The following ARHGAP28 variants were observed in gnomAD, a reference collection of about 807,000 sequenced individuals.
ARHGAP28 encodes the protein rho GTPase-activating protein 28.
A neutral mutation model predicts 90.7 loss-of-function variants in ARHGAP28; 56 were observed. The observed-to-expected ratio is 0.62, with a 90% CI of 0.50 to 0.77. The LOEUF is 0.77. Among genes scored for constraint, ARHGAP28 ranks in the 30% least tolerant of loss-of-function variants. The pLI is 0.00. For missense variants in ARHGAP28, 869 were observed against 900.9 expected (o/e 0.96, Z 0.45); for synonymous variants, 308 against 323.3 (o/e 0.95, Z 0.51).
chr18:6,876,026 T>C, intron 9 of ARHGAP28, 105 bp from the exon 10 acceptor site: 1 of 924,392 alleles, frequency 1.1e-6, no homozygotes, highest in Non-Finnish European at 1.7e-6. Flanking sequence ...CAGGCAAATA[T>C]ATATATGCTT....
intron 3 of ARHGAP28, among the ~76,000 whole-genome samples, chr18:6,839,165 G>C (rs2056777471): frequency 6.6e-6 from 1 of 152,080 alleles, no homozygotes; most frequent in Non-Finnish European, 1.5e-5. Context: ...GACAAGTAAC[G>C]TGTCTTGTGG....
chr18:6,890,100 G>C lies in ARHGAP28; in HGVS notation c.1734+15G>C, dbSNP rs2057253035. ...TTTTGTGGAAGGTGAGTGACATAGT[G>C]ATGACAGGTCCCCCTCAGAAGTCCA... On this transcript the variant is annotated intron_variant, in intron 13 of 17. Coordinates refer to ENST00000383472, the MANE Select transcript of ARHGAP28 (RefSeq NM_001366230.1). The C allele has an allele frequency of 1.2e-6, 2 of 1,613,770 alleles. No homozygotes were observed. The highest frequency in any genetic ancestry group is 1.3e-5 in the African/African-American group (1 of 74,924).
At chr18:6,777,533 G>A (rs901742262) in intron 1 of ARHGAP28, among the ~76,000 whole-genome samples, 5 of 152,044 alleles carry the variant, frequency 3.3e-5, no homozygotes, top group Admixed American at 1.3e-4. Context: ...GATCAGCCTG[G>A]GCAACATAGT....
chr18:6,841,187 C>G (rs1286331322), intron 3 of ARHGAP28, among the ~76,000 whole-genome samples: 3 of 57,908 alleles, frequency 5.2e-5, no homozygotes, highest in Non-Finnish European at 9.9e-5. Context: ...TCTCCTCTCT[C>G]TCTCTCTCTC....
chr18:6,789,781 G>A (rs1168881924), intron 1 of ARHGAP28: 1 of 151,610 alleles, frequency 6.6e-6, no homozygotes, highest in Non-Finnish European at 1.5e-5. Flanking sequence ...AACTACTTTT[G>A]TATAGATGCA....
At chr18:6,855,367 G>T (rs2056944639) in intron 4 of ARHGAP28, among the ~76,000 whole-genome samples, 1 of 152,128 alleles carries the variant, frequency 6.6e-6, no homozygotes, top group Non-Finnish European at 1.5e-5. Flanking sequence ...AAAACCCCTG[G>T]ATTCAGCCAG....
chr18:6,914,953 C>G lies in ARHGAP28; in HGVS notation c.*2799C>G, dbSNP rs1600320341. The G allele has an allele frequency of 4.6e-5, 7 of 152,644 alleles. 2 individuals carry two copies. Among genetic ancestry groups the G allele is most frequent in the Admixed American group, 4.6e-4 (7 of 15,292 alleles). The allele number at this position is 152,644 out of a possible 1,614,324, so 9.5% of individuals were successfully genotyped here. A position where few individuals can be genotyped will look rare whatever the true frequency, so the allele number is the denominator to read the frequency against. ...ATTTACAACGTCTATACAGTATAAA[C>G]TACCTCACTTGCCTTTCTTGGGAAA... On this transcript the variant is annotated 3_prime_UTR_variant, in exon 18 of 18. Transcript: ENST00000383472.
At chr18:6,836,068 T>G (rs2056751207) in intron 2 of ARHGAP28, 1 of 152,170 alleles carries the variant, frequency 6.6e-6, no homozygotes, top group Admixed American at 6.5e-5. Flanking sequence ...ACCTTCATGT[T>G]CAACCCATGA....
chr18:6,812,295 T>C (rs1424978086), intron 1 of ARHGAP28, among the ~76,000 whole-genome samples: 1 of 152,162 alleles, frequency 6.6e-6, no homozygotes, highest in African/African-American at 2.4e-5. Context: ...GCCATCAAAA[T>C]CAAAATATTA....
chr18:6,736,764 A>AAC (rs2055932424), intron 1 of ARHGAP28, among the ~76,000 whole-genome samples: 2 of 151,608 alleles, frequency 1.3e-5, no homozygotes, highest in Non-Finnish European at 2.9e-5. Flanking sequence ...AAAAACAAAA[A>AAC]ACAGAAAGTT....
chr18:6,910,839 TTTTGTTTGC>T (rs2057392706), intron 17 of ARHGAP28, among the ~76,000 whole-genome samples: 2 of 7,172 alleles, frequency 2.8e-4, no homozygotes, highest in Admixed American at 2.0e-3. Context: ...TTTTGTTTTG[TTTTGTTTGC>T]TTTGTTTTTT....
intron 10 of ARHGAP28, among the ~76,000 whole-genome samples, chr18:6,879,472 C>T (rs1257006662): frequency 6.6e-6 from 1 of 152,204 alleles, no homozygotes; most frequent in Non-Finnish European, 1.5e-5. Flanking sequence ...AACAGGGCTT[C>T]TGAACCTCTA....
intron 1 of ARHGAP28, among the ~76,000 whole-genome samples, chr18:6,806,618 A>G (rs2056520998): frequency 6.6e-6 from 1 of 151,850 alleles, no homozygotes; most frequent in Non-Finnish European, 1.5e-5. Flanking sequence ...ATGCATTTTT[A>G]TTATTTTTGT....
chr18:6,804,864 C>T (rs903961764), intron 1 of ARHGAP28, among the ~76,000 whole-genome samples: 2 of 152,060 alleles, frequency 1.3e-5, no homozygotes, highest in East Asian at 1.9e-4. Flanking sequence ...TACTTGAAAA[C>T]GTGTATTCTG....
At chr18:6,806,124 G>C (rs7234713) in intron 1 of ARHGAP28, among the ~76,000 whole-genome samples, 5,914 of 152,050 alleles carry the variant, frequency 0.039, 380 homozygotes, top group African/African-American at 0.14. Flanking sequence ...AAACTCCTGA[G>C]CTCAGGCAGT....
chr18:6,831,753 C>T (rs1480875425), intron 2 of ARHGAP28, among the ~76,000 whole-genome samples: 14 of 151,974 alleles, frequency 9.2e-5, no homozygotes. Flanking sequence ...GCTAGGGCCT[C>T]TAGTACAAGT....
At chr18:6,754,072 A>G (rs2056090739) in intron 1 of ARHGAP28, among the ~76,000 whole-genome samples, 1 of 152,246 alleles carries the variant, frequency 6.6e-6, no homozygotes, top group African/African-American at 2.4e-5. Flanking sequence ...GCATGAAATA[A>G]CAAGGTAGCA....
chr18:6,896,733 G>A, intron 16 of ARHGAP28, 107 bp downstream of exon 16: 2 of 1,317,024 alleles, frequency 1.5e-6, no homozygotes, highest in East Asian at 2.5e-5. Context: ...TATAGAACCT[G>A]TTGCTTTAGG....
intron 1 of ARHGAP28, among the ~76,000 whole-genome samples, chr18:6,813,141 A>C (rs1235412183): frequency 6.6e-6 from 1 of 152,240 alleles, no homozygotes; most frequent in Admixed American, 6.5e-5. Flanking sequence ...TACCTACCAC[A>C]GGGAAAGCTG....
Sources: allele counts gnomAD v4.1 joint callset (sites outside exome capture counted in the v4.1 genomes callset), GRCh38; gene constraint gnomAD v4.1.1; transcripts MANE v1.5; gene names NCBI Gene and HGNC (gene_info 2026-07-23, HGNC 2026-07-21).